Variants in SESTD1 observed in about 807,000 individuals in gnomAD.
The protein encoded by SESTD1 is SEC14 and spectrin domain containing 1, also known as SEC14 domain and spectrin repeat-containing protein 1.
SESTD1 carries 43 observed loss-of-function variants against 101.7 expected under a neutral mutation model. The observed-to-expected ratio is 0.42, with a 90% CI of 0.33 to 0.55. The LOEUF (loss-of-function observed/expected upper bound fraction) is 0.55. SESTD1 is among the 20% of genes least tolerant of loss of function. The probability of loss-of-function intolerance (pLI) is 0.07; values close to 1 mark genes in which losing one functional copy is unlikely to be tolerated. For synonymous variants in SESTD1, 283 were observed against 286.8 expected (o/e 0.99, Z 0.13); for missense variants, 647 against 815.1 (o/e 0.79, Z 2.51).
At chr2:179,186,684 ATT>A (rs35153936) in intron 2 of SESTD1, among the ~76,000 whole-genome samples, 64,741 of 118,402 alleles carry the variant, frequency 0.55, 16,248 homozygotes, top group East Asian at 0.72. Flanking sequence ...TTTTCAGGGA[ATT>A]TTTTTTTTTT....
chr2:179,259,745 T>A (rs12693180), intron 1 of SESTD1, among the ~76,000 whole-genome samples: 1 of 152,118 alleles, frequency 6.6e-6, no homozygotes, highest in South Asian at 2.1e-4. Flanking sequence ...AAAAAAAAAA[T>A]TGACTATTTT....
At chr2:179,263,562 G>A (rs967997143) in intron 1 of SESTD1, among the ~76,000 whole-genome samples, 1 of 152,122 alleles carries the variant, frequency 6.6e-6, no homozygotes, top group Non-Finnish European at 1.5e-5. Context: ...AGCAAAACGT[G>A]AAGTAAGAGA....
chr2:179,141,983 T>G (rs1434617687), intron 9 of SESTD1, among the ~76,000 whole-genome samples: 1 of 152,196 alleles, frequency 6.6e-6, no homozygotes, highest in African/African-American at 2.4e-5. Flanking sequence ...TTCAACATCT[T>G]CCATGATCCA....
chr2:179,159,199 G>C (rs980130246), intron 5 of SESTD1, among the ~76,000 whole-genome samples: 2 of 152,150 alleles, frequency 1.3e-5, no homozygotes, highest in Non-Finnish European at 1.5e-5. Context: ...TAAGAGGAAA[G>C]AGAATCCCTC....
chr2:179,190,278 C>T (rs1242199542), intron 2 of SESTD1, among the ~76,000 whole-genome samples: 1 of 152,028 alleles, frequency 6.6e-6, no homozygotes, highest in East Asian at 1.9e-4. Context: ...TTCAACAAAA[C>T]ACGCAATGGG....
rs796238283 is a variant in SESTD1, at chr2:179,244,502, G to C, written c.-26+19997C>G. On this transcript the variant is annotated intron_variant, in intron 1 of 17. Transcript: ENST00000428443. ...AAAAAAAAAAACATGGAGGCCAGAA[G>C]GGAGTGGTACAATATTTTTCAAGTG... Among the ~76,000 whole-genome samples, 13 of 150,930 alleles carry C rather than the reference G, an allele frequency of 8.6e-5. 1 individual carries two copies. The highest frequency in any genetic ancestry group is 3.2e-4 in the African/African-American group (13 of 41,044).
chr2:179,249,921 T>C (rs1043580819), intron 1 of SESTD1, among the ~76,000 whole-genome samples: 6 of 148,058 alleles, frequency 4.1e-5, no homozygotes, highest in Admixed American at 3.4e-4. Context: ...TTGACCTAAG[T>C]CTCACACCTT....
At chr2:179,264,354 T>C (rs1351980323) in intron 1 of SESTD1, 145 bp downstream of exon 1, 2 of 149,510 alleles carry the variant, frequency 1.3e-5, no homozygotes, top group Non-Finnish European at 3.0e-5. Flanking sequence ...CTTCACTGCG[T>C]AGCCCCTCCG....
At chr2:179,223,063 T>G (rs894038120) in intron 1 of SESTD1, among the ~76,000 whole-genome samples, 3 of 151,958 alleles carry the variant, frequency 2.0e-5, no homozygotes, top group Non-Finnish European at 4.4e-5. Context: ...TCTATATGGA[T>G]AAACAAAACA....
chr2:179,264,029 G>A (rs1000896899), intron 1 of SESTD1: 3 of 152,352 alleles, frequency 2.0e-5, no homozygotes, highest in African/African-American at 7.2e-5. Context: ...GGCGCTGGAC[G>A]CGGGACTCGC....
chr2:179,221,328 T>A lies in SESTD1; in HGVS notation c.-25-29462A>T, dbSNP rs796921933. ...GAAAGTCCCATTAAAAAAAAAAAAA[T>A]GGGGCTGGGTGCAGTGGCTCACACC... On this transcript the variant is annotated intron_variant, in intron 1 of 17. Transcript: ENST00000428443. Among the ~76,000 whole-genome samples, 82 of 128,560 alleles carry A rather than the reference T, an allele frequency of 6.4e-4. 4 individuals carry two copies. The highest frequency in any genetic ancestry group is 4.2e-3 in the Middle Eastern group (1 of 238). The allele number at this position is 128,560 out of a possible 152,430, so 84.3% of individuals were successfully genotyped here. A position where few individuals can be genotyped will look rare whatever the true frequency, so the allele number is the denominator to read the frequency against.
At chr2:179,174,418 G>A in intron 4 of SESTD1, 2 of 466,636 alleles carry the variant, frequency 4.3e-6, no homozygotes, top group South Asian at 1.6e-5. Context: ...AACTGCCACT[G>A]ATCAAAGTCC....
chr2:179,110,483 C>G (rs865999178), intron 17 of SESTD1, among the ~76,000 whole-genome samples: 1 of 152,046 alleles, frequency 6.6e-6, no homozygotes, highest in Non-Finnish European at 1.5e-5. Flanking sequence ...TAATTTTATT[C>G]TACTCTCAAA....
At chr2:179,163,505 G>C (rs1230597695) in intron 5 of SESTD1, among the ~76,000 whole-genome samples, 1 of 148,586 alleles carries the variant, frequency 6.7e-6, no homozygotes, top group Non-Finnish European at 1.5e-5. Flanking sequence ...CATTACCAAA[G>C]AAATCTGAAA....
chr2:179,132,547 C>A, intron 9 of SESTD1, 121 bp from the exon 10 acceptor site: 2 of 1,096,858 alleles, frequency 1.8e-6, no homozygotes, highest in Non-Finnish European at 2.5e-6. Flanking sequence ...TATTTACATT[C>A]TATCACATAG....
chr2:179,229,625 C>T lies in SESTD1; in HGVS notation c.-26+34874G>A, dbSNP rs190093681. ...GAGCCCTGAGTAATACAAACAAGGA[C>T]GGCGGTAAAAAGAAAATAATGTGTG... On this transcript the variant is annotated intron_variant, in intron 1 of 17. Coordinates refer to ENST00000428443, the MANE Select transcript of SESTD1 (RefSeq NM_178123.5). 2.9e-3 allele frequency among the ~76,000 whole-genome samples: 440 copies of T among 151,090 alleles called. 2 individuals carry two copies. Among genetic ancestry groups the T allele is most frequent in the South Asian group, 8.2e-3 (39 of 4,756 alleles).
intron 1 of SESTD1, among the ~76,000 whole-genome samples, chr2:179,218,973 A>G (rs1168157793): frequency 6.6e-6 from 1 of 152,252 alleles, no homozygotes; most frequent in Non-Finnish European, 1.5e-5. Context: ...ACTTACTCTA[A>G]GAATCCTAAC....
intron 6 of SESTD1, among the ~76,000 whole-genome samples, chr2:179,150,812 T>C (rs1003041814): frequency 2.7e-5 from 4 of 149,526 alleles, no homozygotes; most frequent in African/African-American, 1.0e-4. Flanking sequence ...AGAGCAAGAC[T>C]GTCTCAAAAA....
At position 179,112,730 on chromosome 2, in the gene SESTD1, G is replaced by A. The variant is rs1374699765; in HGVS notation, c.1955C>T (p.Pro652Leu). 3 of 1,611,182 alleles carry A rather than the reference G, an allele frequency of 1.9e-6. No homozygotes were observed. The highest frequency in any genetic ancestry group is 1.7e-6 in the Non-Finnish European group (2 of 1,179,588). ...LDRLTVPVVY[P>L]DGTEQYFGSP... ...ATAAGAACATGCCCCATACCCATCA[G>A]GATAAACTACTGGAACAGTTAATCT... Residue 652 changes from proline (P) to leucine (L), a missense_variant, in exon 17 of 18, where the codon CCT becomes CTT. Transcript: ENST00000428443.
Sources: gnomAD v4.1 joint callset for allele counts (sites outside exome capture counted in the v4.1 genomes callset) on GRCh38, gnomAD v4.1.1 for gene constraint, MANE v1.5 for transcripts, NCBI Gene and HGNC (gene_info 2026-07-23, HGNC 2026-07-21) for gene names.